CDH23: variants seen among roughly 807,000 people sequenced by gnomAD.
The protein encoded by CDH23 is cadherin-23.
In CDH23, 189 loss-of-function variants were observed where a neutral mutation model predicts 317.1. The observed-to-expected ratio is 0.60, with a 90% CI of 0.53 to 0.67. The LOEUF is 0.67. CDH23 is among the 30% of genes least tolerant of loss of function. The pLI, the probability that CDH23 is intolerant of heterozygous loss-of-function variation, is 0.00. For synonymous variants in CDH23, 1,839 were observed against 1,876.8 expected, an observed-to-expected ratio of 0.98 and a Z score of 0.52; for missense variants, 4,401 against 4,592.4, an observed-to-expected ratio of 0.96 and a Z score of 1.20.
At chr10:71,611,110 G>T (rs1423905087) in intron 9 of CDH23, among the ~76,000 whole-genome samples, 3 of 151,160 alleles carry the variant, frequency 2.0e-5, no homozygotes, top group Non-Finnish European at 4.4e-5. Flanking sequence ...ATGTCTGGGA[G>T]ACCAGAAGGC....
intron 3 of CDH23, among the ~76,000 whole-genome samples, chr10:71,457,094 G>C (rs943998391): frequency 2.0e-5 from 3 of 152,200 alleles, no homozygotes; most frequent in African/African-American, 7.2e-5. Context: ...TGGGCACAGG[G>C]ACAGAGAAAT....
chr10:71,782,600 G>A (rs1213943704), intron 41 of CDH23, among the ~76,000 whole-genome samples: 1 of 152,214 alleles, frequency 6.6e-6, no homozygotes, highest in Non-Finnish European at 1.5e-5. Flanking sequence ...TTTGCACAGG[G>A]GAACTAGGCT....
At chr10:71,806,024 C>T in intron 56 of CDH23, 27 bp downstream of exon 56, 1 of 471,188 alleles carries the variant, frequency 2.1e-6, no homozygotes, top group Non-Finnish European at 3.8e-6. Flanking sequence ...GTGCGAGGGG[C>T]GGGGTCTGGG....
At chr10:71,586,066 G>C (rs965323464) in intron 9 of CDH23, among the ~76,000 whole-genome samples, 2 of 152,164 alleles carry the variant, frequency 1.3e-5, no homozygotes, top group Non-Finnish European at 2.9e-5. Context: ...CCTTCTGCTA[G>C]ACCTGAGTCC....
chr10:71,770,743 A>G (rs546090049), intron 38 of CDH23, among the ~76,000 whole-genome samples: 1 of 152,224 alleles, frequency 6.6e-6, no homozygotes, highest in Non-Finnish European at 1.5e-5. Context: ...TCTCAGCAGC[A>G]CACTCCTGCC....
intron 1 of CDH23, among the ~76,000 whole-genome samples, chr10:71,433,299 G>A (rs1478267251): frequency 1.3e-5 from 2 of 152,174 alleles, no homozygotes; most frequent in Non-Finnish European, 2.9e-5. Context: ...CATAAGTTAC[G>A]CAGCAGTGGG....
rs1327485192 is a variant in CDH23, at chr10:71,602,436, T to C, written c.833-13068T>C. Among the ~76,000 whole-genome samples the C allele has an allele frequency of 3.3e-5, 5 of 152,234 alleles. No individual in the cohort carries two copies. In the South Asian group the frequency reaches 1.0e-3, roughly 32 times the overall value. On this transcript the variant is annotated intron_variant, in intron 9 of 69. Transcript: ENST00000224721. ...GCAAAGTCACTTGCCCAAAGCCACA[T>C]AGCTAGAAGTAGTGGAGCTAGGATT...
At chr10:71,496,458 G>A (rs77154229) in intron 3 of CDH23, among the ~76,000 whole-genome samples, 6,004 of 152,306 alleles carry the variant, frequency 0.039, 412 homozygotes, top group African/African-American at 0.14. Context: ...AGGGAAGCTG[G>A]CCTCCCTGGA....
chr10:71,688,602 G>C (rs796692530), intron 19 of CDH23, among the ~76,000 whole-genome samples: 1 of 139,860 alleles, frequency 7.2e-6, no homozygotes, highest in African/African-American at 2.7e-5. Flanking sequence ...GGAGTCAGGG[G>C]TGGTGGAGCC....
At position 71,577,983 on chromosome 10, in the gene CDH23, A is replaced by G; in HGVS notation, c.823A>G (p.Ile275Val). 1 of 1,599,906 alleles carries G rather than the reference A, an allele frequency of 6.3e-7. No individual in the cohort carries two copies. Among genetic ancestry groups the G allele is most frequent in the Non-Finnish European group, 8.5e-7 (1 of 1,173,428 alleles). Residue 275 changes from isoleucine to valine, a missense_variant, in exon 9 of 70, where the codon ATC becomes GTC. Physicochemically the swap from Ile to Val is conservative, Grantham distance 29 (BLOSUM62 3). Transcript: ENST00000224721. The stretch of plus-strand genomic sequence containing the variant: ...ACGTCCCCGGGGCATTGGCTACACC[A>G]TCGTTTCAGGTAAGACAGAAGGCTG... ...KGRPRGIGYT[I>V]VSGNTNSIFA...
chr10:71,707,091 G>A (rs1158610054), intron 26 of CDH23, 42 bp downstream of exon 26: 19 of 1,576,564 alleles, frequency 1.2e-5, no homozygotes, highest in Non-Finnish European at 1.6e-5. Context: ...GCCTCCTGGG[G>A]CCCTGCCTCC....
chr10:71,490,309 A>G (rs962977830), intron 3 of CDH23, among the ~76,000 whole-genome samples: 1 of 152,196 alleles, frequency 6.6e-6, no homozygotes, highest in South Asian at 2.1e-4. Context: ...ACTGCATGTT[A>G]TTAGAATCAG....
chr10:71,548,981 G>T (rs185935522), intron 6 of CDH23, among the ~76,000 whole-genome samples: 1 of 152,238 alleles, frequency 6.6e-6, no homozygotes, highest in African/African-American at 2.4e-5. Context: ...AAGAGCAAGC[G>T]TAATTAGTAC....
At chr10:71,687,152 G>A (rs74145299) in intron 18 of CDH23, among the ~76,000 whole-genome samples, 143 of 152,336 alleles carry the variant, frequency 9.4e-4, no homozygotes, top group African/African-American at 3.4e-3. Context: ...CAGGGCCAGA[G>A]TTTGGGCTCT....
chr10:71,655,417 T>C (rs1314788234), intron 14 of CDH23, among the ~76,000 whole-genome samples: 2 of 152,174 alleles, frequency 1.3e-5, no homozygotes, highest in Admixed American at 6.5e-5. Context: ...CTCCTTCCTA[T>C]TGGAGACCAT....
intron 46 of CDH23, chr10:71,790,645 ACT>A: frequency 1.8e-6 from 1 of 571,014 alleles, no homozygotes; most frequent in Admixed American, 3.1e-5. Context: ...TGGTGCACGA[ACT>A]CTCAGCCTGG....
At chr10:71,605,568 A>C (rs761760722) in intron 9 of CDH23, among the ~76,000 whole-genome samples, 24 of 152,320 alleles carry the variant, frequency 1.6e-4, no homozygotes, top group Middle Eastern at 3.4e-3. Context: ...CTGTGTTCAC[A>C]TTTTGCTAAC....
intron 3 of CDH23, among the ~76,000 whole-genome samples, chr10:71,470,431 T>C (rs1312085292): frequency 1.3e-5 from 2 of 152,160 alleles, no homozygotes; most frequent in African/African-American, 2.4e-5. Flanking sequence ...CATTAGATAA[T>C]AACTTCTCAT....
At position 71,806,230 on chromosome 10, in the gene CDH23, G is replaced by A; in HGVS notation, c.8127G>A (p.Gln2709=). 4 of 1,577,836 alleles carry A rather than the reference G, an allele frequency of 2.5e-6. No individual in the cohort carries two copies. The highest frequency in any genetic ancestry group is 3.4e-6 in the Non-Finnish European group (4 of 1,161,934). ...CATACGAGACTATGCAGCCGCTGCAGGTGGCCCTGGAGGACATCGATGACA... is the reference window on the plus strand; with the variant it reads ...CATACGAGACTATGCAGCCGCTGCAAGTGGCCCTGGAGGACATCGATGACA... ...PVPYETMQPL[Q]VALEDIDDNE... Residue 2709 remains glutamine, a synonymous_variant, in exon 57 of 70, where the codon CAG becomes CAA. Coordinates refer to ENST00000224721, the MANE Select transcript of CDH23 (RefSeq NM_022124.6).
Sources: gnomAD v4.1 joint callset for allele counts (sites outside exome capture counted in the v4.1 genomes callset) on GRCh38, gnomAD v4.1.1 for gene constraint, MANE v1.5 for transcripts, NCBI Gene and HGNC (gene_info 2026-07-23, HGNC 2026-07-21) for gene names.